PPP5C: variants seen among roughly 807,000 people sequenced by gnomAD.
PPP5C encodes the protein serine/threonine-protein phosphatase 5.
PPP5C carries 21 observed loss-of-function variants against 66.7 expected under a neutral mutation model. The observed-to-expected ratio is 0.31, with a 90% CI of 0.22 to 0.45. The LOEUF (loss-of-function observed/expected upper bound fraction) is 0.45, where lower values mean the gene tolerates loss of function less well. Ranked by LOEUF, PPP5C falls within the 20% of genes least tolerant of loss-of-function variation. PPP5C has a pLI of 1.00. For synonymous variants in PPP5C, 246 were observed against 257.4 expected (o/e 0.96, Z 0.43); for missense variants, 464 against 675.9 (o/e 0.69, Z 3.48).
intron 2 of PPP5C, among the ~76,000 whole-genome samples, chr19:46,369,819 G>A (rs771349062): frequency 4.7e-5 from 7 of 149,732 alleles, no homozygotes; most frequent in Admixed American, 6.6e-5. Flanking sequence ...CCAGCTACTC[G>A]GGAGGCTGAG....
At chr19:46,367,347 T>C (rs748048346) in intron 2 of PPP5C, among the ~76,000 whole-genome samples, 1 of 152,188 alleles carries the variant, frequency 6.6e-6, no homozygotes, top group Non-Finnish European at 1.5e-5. Context: ...CTCCCTTGGC[T>C]AGAACTGCAG....
In PPP5C at chr19:46,383,995, C is replaced by A; in HGVS notation, c.798+117C>A. On this transcript the variant is annotated intron_variant, in intron 6 of 12. Coordinates refer to ENST00000012443, the MANE Select transcript of PPP5C (RefSeq NM_006247.4). This position sits in a 1 kb window ranked among gnomAD's most constrained non-coding sequence, Gnocchi z 5.0. ...AAGACGTGACCTTGGAAAGGAGAGG[C>A]CTGGCCATGCTGGGGCACCAAGGTG... The A allele has an allele frequency of 2.3e-6, 2 of 872,706 alleles. No homozygotes were observed. The highest frequency in any genetic ancestry group is 3.6e-6 in the Non-Finnish European group (2 of 550,300). The allele number at this position is 872,706 out of a possible 1,614,324, so 54.1% of individuals were successfully genotyped here.
intron 2 of PPP5C, among the ~76,000 whole-genome samples, chr19:46,369,132 A>G (rs185952856): frequency 1.3e-3 from 202 of 152,326 alleles, no homozygotes; most frequent in African/African-American, 4.6e-3. Flanking sequence ...AACAAGGGGT[A>G]GTTTTTGAGA....
At chr19:46,361,363 T>A (rs959375139) in intron 2 of PPP5C, among the ~76,000 whole-genome samples, 2 of 144,574 alleles carry the variant, frequency 1.4e-5, no homozygotes, top group Admixed American at 1.4e-4. Context: ...TCTCTTGACC[T>A]CATGATCCGC....
rs761061688 is a variant in PPP5C, at chr19:46,353,869, G to A, written c.243G>A (p.Ala81=). 1.2e-5 allele frequency: 19 copies of A among 1,608,756 alleles called. No homozygotes were observed. Among genetic ancestry groups the A allele is most frequent in the Admixed American group, 6.8e-5 (4 of 58,832 alleles). ...AYLRTECYGY[A]LGDATRAIEL... is the part of the protein sequence containing the mutation. ...TGCGCACTGAGTGCTATGGCTACGC[G>A]CTGGGAGACGCCACGCGGGCCATTG... The change falls in exon 2 of 13, where the codon GCG becomes GCA. Residue 81 remains alanine, a synonymous_variant. Coordinates refer to ENST00000012443, the MANE Select transcript of PPP5C (RefSeq NM_006247.4).
In PPP5C at chr19:46,383,474, G is replaced by C; in HGVS notation, c.697G>C (p.Glu233Gln). 6.2e-7 allele frequency: 1 copy of C among 1,605,634 alleles called. No homozygotes were observed. The highest frequency in any genetic ancestry group is 1.1e-5 in the South Asian group (1 of 90,220). ...CACGCTCGTGGAAACCACACTCAAA[G>C]AGGTGCGCGTTGTGGGGCAGTGCGG... is the stretch of plus-strand genomic sequence containing the variant. ...LSTLVETTLKETEKITVCGDT... is the reference protein window; with the variant it reads ...LSTLVETTLKQTEKITVCGDT... The change falls in exon 5 of 13, where the codon GAG becomes CAG. Residue 233 changes from glutamate (E) to glutamine (Q), a missense_variant and splice_region_variant. By Grantham distance (29) the Glu-to-Gln change is conservative (BLOSUM62 2). Around this residue, in one of 2 missense-constraint regions of PPP5C, gnomAD observed 387 missense variants for 626.0 expected, o/e 0.62. Coordinates refer to ENST00000012443, the MANE Select transcript of PPP5C (RefSeq NM_006247.4). This position sits in a 1 kb window ranked among gnomAD's most constrained non-coding sequence, Gnocchi z 5.0.
intron 2 of PPP5C, among the ~76,000 whole-genome samples, chr19:46,355,557 CG>C (rs1972270825): frequency 8.0e-6 from 1 of 124,884 alleles, no homozygotes; most frequent in Admixed American, 8.3e-5. Flanking sequence ...AGAGATGTGG[CG>C]GGGGGTTAGG....
Position 46,347,954 on chromosome 19 carries a change from C to A in PPP5C, c.121+737C>A, listed in dbSNP as rs867304362. Among the ~76,000 whole-genome samples the A allele has an allele frequency of 3.4e-3, 480 of 139,286 alleles. 5 individuals are homozygous for A. The highest frequency in any genetic ancestry group is 0.01 in the African/African-American group (395 of 38,378). The allele number at this position is 139,286 out of a possible 152,430, so 91.4% of individuals were successfully genotyped here. A position where few individuals can be genotyped will look rare whatever the true frequency, so the allele number is the denominator to read the frequency against. On this transcript the variant is annotated intron_variant, in intron 1 of 12. Coordinates refer to ENST00000012443, the MANE Select transcript of PPP5C (RefSeq NM_006247.4). ...GAACCAGACATGAAAAAAAAAAAAA[C>A]AAAAAAAAACCATGTAAATAAGTAA... is the stretch of plus-strand genomic sequence containing the variant.
chr19:46,383,651 G>T lies in PPP5C; in HGVS notation c.700-129G>T. On this transcript the variant is annotated intron_variant, in intron 5 of 12. Transcript: ENST00000012443. The surrounding 1 kb of genome is among the most constrained non-coding windows in gnomAD (Gnocchi z 5.0). ...TCCTGGCCTCTTGGTCTTCGTTTGTGTTCCCTGCTTGTGTCTCTTGCATGA... is the reference window on the plus strand; with the variant it reads ...TCCTGGCCTCTTGGTCTTCGTTTGTTTTCCCTGCTTGTGTCTCTTGCATGA... 1 of 1,033,176 alleles carries T rather than the reference G, an allele frequency of 9.7e-7. No individual in the cohort carries two copies. The highest frequency in any genetic ancestry group is 1.4e-6 in the Non-Finnish European group (1 of 695,470). 64.0% of individuals were successfully genotyped at this position (1,033,176 alleles called of 1,614,324 possible). A position where few individuals can be genotyped will look rare whatever the true frequency, so the allele number is the denominator to read the frequency against.
chr19:46,369,540 G>C (rs1277231111), intron 2 of PPP5C, among the ~76,000 whole-genome samples: 1 of 151,704 alleles, frequency 6.6e-6, no homozygotes, highest in Non-Finnish European at 1.5e-5. Flanking sequence ...GCTGAGGCAG[G>C]AGAATGGCGT....
Position 46,383,965 on chromosome 19 carries a change from A to C in PPP5C, c.798+87A>C, listed in dbSNP as rs1199156421. The C allele has an allele frequency of 8.8e-7, 1 of 1,132,532 alleles. No homozygotes were observed. The highest frequency in any genetic ancestry group is 1.3e-6 in the Non-Finnish European group (1 of 759,776). The allele number at this position is 1,132,532 out of a possible 1,614,324, so 70.2% of individuals were successfully genotyped here. A position where few individuals can be genotyped will look rare whatever the true frequency, so the allele number is the denominator to read the frequency against. On this transcript the variant is annotated intron_variant, in intron 6 of 12. Transcript: ENST00000012443. This position sits in a 1 kb window ranked among gnomAD's most constrained non-coding sequence, Gnocchi z 5.0. ...GCACAGAGTGGGAGGAGCCCTTGCC[A>C]GGAAAAGACGTGACCTTGGAAAGGA... is the stretch of plus-strand genomic sequence containing the variant.
chr19:46,384,742 C>A, intron 6 of PPP5C, 62 bp from the exon 7 acceptor site: 1 of 1,366,732 alleles, frequency 7.3e-7, no homozygotes, highest in Non-Finnish European at 1.0e-6. Flanking sequence ...TGCCACCACC[C>A]CCAACCCCAC....
At chr19:46,389,186 T>A (rs934240918) in intron 11 of PPP5C, among the ~76,000 whole-genome samples, 1 of 151,692 alleles carries the variant, frequency 6.6e-6, no homozygotes, top group Non-Finnish European at 1.5e-5. Flanking sequence ...TAGCAGGGCG[T>A]GGTGGCACAC....
At chr19:46,363,616 A>G (rs775432791) in intron 2 of PPP5C, among the ~76,000 whole-genome samples, 1 of 151,814 alleles carries the variant, frequency 6.6e-6, no homozygotes, top group Admixed American at 6.6e-5. Flanking sequence ...CTTTTAGTAG[A>G]GATGGGGTTT....
At chr19:46,368,066 A>AT (rs1208241371) in intron 2 of PPP5C, among the ~76,000 whole-genome samples, 1 of 152,222 alleles carries the variant, frequency 6.6e-6, no homozygotes, top group East Asian at 1.9e-4. Context: ...AATGGAAGCC[A>AT]TAGAGCTGCC....
At position 46,347,170 on chromosome 19, in the gene PPP5C, T is replaced by C; in HGVS notation, c.74T>C (p.Leu25Pro). The change falls in exon 1 of 13, where the codon CTG becomes CCG. Residue 25 changes from leucine to proline, a missense_variant. Leu to Pro is a moderately conservative substitution (Grantham distance 98, BLOSUM62 -3). Around this residue, in one of 2 missense-constraint regions of PPP5C, gnomAD observed 77 missense variants for 49.9 expected, o/e 1.54. Coordinates refer to ENST00000012443, the MANE Select transcript of PPP5C (RefSeq NM_006247.4). ...GACGAACCCCCGGCTGATGGAGCTC[T>C]GAAGCGGGCAGAGGAGCTCAAGACT... ...PRDEPPADGA[L>P]KRAEELKTQA... 6.2e-7 allele frequency: 1 copy of C among 1,606,164 alleles called. No individual in the cohort carries two copies.
At position 46,383,627 on chromosome 19, in the gene PPP5C, C is replaced by T. The variant is rs1169877377; in HGVS notation, c.699+151C>T. The T allele has an allele frequency of 9.7e-7, 1 of 1,033,054 alleles. No homozygotes were observed. Among genetic ancestry groups the T allele is most frequent in the Non-Finnish European group, 1.4e-6 (1 of 704,628 alleles). The allele number at this position is 1,033,054 out of a possible 1,614,324, so 64.0% of individuals were successfully genotyped here. On this transcript the variant is annotated intron_variant, in intron 5 of 12. Transcript: ENST00000012443. The surrounding 1 kb of genome is among the most constrained non-coding windows in gnomAD (Gnocchi z 5.0). ...TTCCTCCTGAATATCCCATTTCTCTCCTGGCCTCTTGGTCTTCGTTTGTGT... is the reference window on the plus strand; with the variant it reads ...TTCCTCCTGAATATCCCATTTCTCTTCTGGCCTCTTGGTCTTCGTTTGTGT...
In PPP5C at chr19:46,376,733, A is replaced by G; in HGVS notation, c.633+159A>G. ...GGACACTGTGCCGAGGGCTTACCAC[A>G]TGATCTCATCTCGTCCCACAGCAGT... On this transcript the variant is annotated intron_variant, in intron 4 of 12. Transcript: ENST00000012443. The surrounding 1 kb of genome is among the most constrained non-coding windows in gnomAD (Gnocchi z 5.1). The G allele has an allele frequency of 9.8e-7, 1 of 1,025,146 alleles. No homozygotes were observed. The highest frequency in any genetic ancestry group is 1.4e-6 in the Non-Finnish European group (1 of 721,924). 63.5% of individuals were successfully genotyped at this position (1,025,146 alleles called of 1,614,324 possible).
At chr19:46,366,810 G>A (rs1002907188) in intron 2 of PPP5C, among the ~76,000 whole-genome samples, 3 of 152,202 alleles carry the variant, frequency 2.0e-5, no homozygotes, top group Non-Finnish European at 2.9e-5. Context: ...TAGAGTCCAC[G>A]TAGCACGTGG....
Sources: allele counts gnomAD v4.1 joint callset (sites outside exome capture counted in the v4.1 genomes callset), GRCh38; gene constraint gnomAD v4.1.1; regional missense constraint gnomAD v4.1.1; non-coding constraint Gnocchi (gnomAD v3.1); transcripts MANE v1.5; gene names NCBI Gene and HGNC (gene_info 2026-07-23, HGNC 2026-07-21).